CARMIL1: variants seen among roughly 807,000 people sequenced by gnomAD.
CARMIL1 encodes the protein F-actin-uncapping protein LRRC16A.
Under a neutral mutation model 177.1 loss-of-function variants are expected in CARMIL1, and 90 were observed. The ratio of observed to expected loss-of-function variants is 0.51; its 90% confidence interval spans 0.43 to 0.61. CARMIL1 has a LOEUF of 0.61. Ranked by LOEUF, CARMIL1 falls within the 20% of genes least tolerant of loss-of-function variation. The probability of loss-of-function intolerance (pLI) is 0.00; values close to 1 mark genes in which losing one functional copy is unlikely to be tolerated. For missense variants in CARMIL1, 1,380 were observed against 1,667.0 expected (o/e 0.83, Z 3.00); for synonymous variants, 577 against 606.2 (o/e 0.95, Z 0.71).
At chr6:25,340,058 A>C (rs559766135) in intron 2 of CARMIL1, among the ~76,000 whole-genome samples, 2 of 152,162 alleles carry the variant, frequency 1.3e-5, no homozygotes, top group East Asian at 3.9e-4. Context: ...GCTCCTTATT[A>C]CTTTTCCATT....
At chr6:25,502,787 A>G (rs1439089661) in intron 17 of CARMIL1, among the ~76,000 whole-genome samples, 1 of 152,204 alleles carries the variant, frequency 6.6e-6, no homozygotes, top group Non-Finnish European at 1.5e-5. Flanking sequence ...TAACTCACCA[A>G]TGGCAGATCC....
chr6:25,286,992 G>T (rs980158049), intron 2 of CARMIL1, among the ~76,000 whole-genome samples: 1 of 152,196 alleles, frequency 6.6e-6, no homozygotes, highest in Admixed American at 6.5e-5. Context: ...GCAGTTTCTA[G>T]AAGCATGGCC....
rs147472737 is a variant in CARMIL1 at position 25,343,929 on chromosome 6, G to A, written c.138+59020G>A. On this transcript the variant is annotated intron_variant, in intron 2 of 36. Transcript: ENST00000329474. ...GTGCTGCTCCTCCTTCTCCTGAAAC[G>A]CCACCTCCTCTGACTTTCAGGTCTC... Among the ~76,000 whole-genome samples, 173 of 152,142 alleles carry A rather than the reference G, an allele frequency of 1.1e-3. 2 individuals are homozygous for A. The highest frequency in any genetic ancestry group is 6.8e-3 in the Middle Eastern group (2 of 294).
At chr6:25,442,837 T>C (rs1280118546) in intron 5 of CARMIL1, among the ~76,000 whole-genome samples, 1 of 152,182 alleles carries the variant, frequency 6.6e-6, no homozygotes, top group Non-Finnish European at 1.5e-5. Context: ...GCTGCCTCCT[T>C]TACTCTCTGA....
At chr6:25,461,892 T>G (rs527903051) in intron 8 of CARMIL1, among the ~76,000 whole-genome samples, 7 of 152,270 alleles carry the variant, frequency 4.6e-5, no homozygotes, top group Non-Finnish European at 1.0e-4. Flanking sequence ...CGTGCATCTC[T>G]TTTTGGTTTT....
intron 27 of CARMIL1, among the ~76,000 whole-genome samples, chr6:25,553,063 C>G (rs936548999): frequency 1.3e-5 from 2 of 152,044 alleles, no homozygotes; most frequent in African/African-American, 4.8e-5. Context: ...AAGTAAAAAA[C>G]TAGTACTTCT....
intron 20 of CARMIL1, among the ~76,000 whole-genome samples, chr6:25,512,018 G>A (rs7769257): frequency 0.43 from 65,813 of 151,486 alleles, 14,626 homozygotes; most frequent in Middle Eastern, 0.51. Flanking sequence ...TTTGCTTTAC[G>A]TATTTAATTT....
At chr6:25,521,509 C>T (rs1261897124) in intron 23 of CARMIL1, among the ~76,000 whole-genome samples, 1 of 152,188 alleles carries the variant, frequency 6.6e-6, no homozygotes, top group Admixed American at 6.5e-5. Context: ...ATGGCTCACG[C>T]CTGTAATCCC....
intron 28 of CARMIL1, 132 bp from the exon 29 acceptor site, chr6:25,556,569 T>A: frequency 1.4e-6 from 1 of 697,334 alleles, no homozygotes; most frequent in Non-Finnish European, 2.3e-6. Flanking sequence ...GTGAATGTAT[T>A]AAGAATTGTC....
Position 25,488,654 on chromosome 6 carries a change from A to ATG in CARMIL1, c.1065+71_1065+72dup, listed in dbSNP as rs1392070581. 16 of 1,262,454 alleles carry ATG rather than the reference A, an allele frequency of 1.3e-5. No individual in the cohort carries two copies. In the African/African-American group the frequency reaches 2.1e-4, roughly 16 times the overall value. 78.2% of individuals were successfully genotyped at this position (1,262,454 alleles called of 1,614,324 possible). ...TAATAAGCCTGGAATAATTCTAAACATGTCTTTGTAGTGCATTTTCCTGCC... is the reference window on the plus strand; with the variant it reads ...TAATAAGCCTGGAATAATTCTAAACATGTGTCTTTGTAGTGCATTTTCCTGCC... On this transcript the variant is annotated intron_variant, in intron 13 of 36. Transcript: ENST00000329474.
chr6:25,369,529 C>T (rs1790201853), intron 2 of CARMIL1, among the ~76,000 whole-genome samples: 1 of 152,070 alleles, frequency 6.6e-6, no homozygotes, highest in South Asian at 2.1e-4. Context: ...CCCCTCGCCC[C>T]CCTTACCCCT....
At position 25,385,055 on chromosome 6, in the gene CARMIL1, T is replaced by C. The variant is rs541622854; in HGVS notation, c.139-35059T>C. 5.3e-5 allele frequency among the ~76,000 whole-genome samples: 8 copies of C among 152,314 alleles called. 1 individual carries two copies. The South Asian group carries it at 1.7e-3, about 32-fold the overall frequency. On this transcript the variant is annotated intron_variant, in intron 2 of 36. Coordinates refer to ENST00000329474, the MANE Select transcript of CARMIL1 (RefSeq NM_017640.6). ...AATAAGATAATCTTTCTTTACAGAG[T>C]TCACATTCGGTGAGAGAGGAAAGTT...
intron 8 of CARMIL1, among the ~76,000 whole-genome samples, chr6:25,459,269 T>TCTCTCTC (rs56094712): frequency 8.5e-6 from 1 of 118,170 alleles, no homozygotes; most frequent in African/African-American, 3.2e-5. Flanking sequence ...TTTCTTTCTT[T>TCTCTCTC]TTTTTTTTTT....
intron 5 of CARMIL1, among the ~76,000 whole-genome samples, chr6:25,441,359 GTGTGTGTGTGTGTCTA>G (rs1325324989): frequency 2.1e-4 from 30 of 144,958 alleles, no homozygotes; most frequent in Middle Eastern, 3.5e-3. Flanking sequence ...GTGTGTGTGT[GTGTGTGTGTGTGTCTA>G]TGTGTGTGTG....
intron 2 of CARMIL1, among the ~76,000 whole-genome samples, chr6:25,374,668 G>A (rs571682433): frequency 2.0e-5 from 3 of 152,256 alleles, no homozygotes; most frequent in East Asian, 1.9e-4. Flanking sequence ...TTCTTAGGTC[G>A]TGTAGTAATT....
At chr6:25,586,364 A>G (rs9358863) in intron 31 of CARMIL1, among the ~76,000 whole-genome samples, 118,488 of 145,470 alleles carry the variant, frequency 0.81, 48,514 homozygotes, top group East Asian at 0.94. Flanking sequence ...ACGGGGTGGC[A>G]GGGCAGAGGC....
intron 5 of CARMIL1, among the ~76,000 whole-genome samples, chr6:25,448,092 T>C (rs1798418370): frequency 6.6e-6 from 1 of 152,170 alleles, no homozygotes; most frequent in Non-Finnish European, 1.5e-5. Context: ...GCTGGACTCT[T>C]AACAGTCCTG....
At chr6:25,541,869 GT>G (rs762997492) in intron 26 of CARMIL1, among the ~76,000 whole-genome samples, 1 of 152,134 alleles carries the variant, frequency 6.6e-6, no homozygotes, top group Non-Finnish European at 1.5e-5. Flanking sequence ...GGCCAGGCTG[GT>G]CTCAAACTCC....
chr6:25,556,560 T>A (rs1329654846), intron 28 of CARMIL1, 141 bp from the exon 29 acceptor site: 2 of 644,672 alleles, frequency 3.1e-6, no homozygotes, highest in African/African-American at 3.7e-5. Context: ...TACTGTACTG[T>A]GAATGTATTA....
Sources: gnomAD v4.1 joint callset for allele counts (sites outside exome capture counted in the v4.1 genomes callset) on GRCh38, gnomAD v4.1.1 for gene constraint, MANE v1.5 for transcripts, NCBI Gene and HGNC (gene_info 2026-07-23, HGNC 2026-07-21) for gene names.